FBLN1: variants seen among roughly 807,000 people sequenced by gnomAD.
The protein encoded by FBLN1 is fibulin-1.
A neutral mutation model predicts 89.7 loss-of-function variants in FBLN1; 34 were observed. The observed-to-expected ratio is 0.38, with a 90% CI of 0.29 to 0.50. The LOEUF (loss-of-function observed/expected upper bound fraction) is 0.50. FBLN1 is among the 20% of genes least tolerant of loss of function. The probability of loss-of-function intolerance (pLI) is 0.92; values close to 1 mark genes in which losing one functional copy is unlikely to be tolerated. For missense variants in FBLN1, 777 were observed against 988.1 expected (o/e 0.79, Z 2.86); for synonymous variants, 393 against 391.3 (o/e 1.00, Z -0.05).
chr22:45,558,076 C>A (rs953355765), intron 14 of FBLN1: 3 of 716,840 alleles, frequency 4.2e-6, no homozygotes, highest in Admixed American at 4.0e-5. Flanking sequence ...GTCAGATGAT[C>A]GTAGGGAACT....
Position 45,576,938 on chromosome 22 carries a change from A to G in FBLN1, c.1841-39A>G. The stretch of plus-strand genomic sequence containing the variant: ...CGAGGCTGGGACTGGGGCTGGGGCC[A>G]GGCTGTGCTGAGCCCTTCTCCATTC... On this transcript the variant is annotated intron_variant, in intron 15 of 16. Transcript: ENST00000327858. This position sits in a 1 kb window ranked among gnomAD's most constrained non-coding sequence, Gnocchi z 5.2. The G allele has an allele frequency of 6.2e-7, 1 of 1,611,918 alleles. No individual in the cohort carries two copies. The highest frequency in any genetic ancestry group is 8.5e-7 in the Non-Finnish European group (1 of 1,179,876).
At position 45,562,914 on chromosome 22, in the gene FBLN1, G is replaced by T. The variant is rs748375408; in HGVS notation, c.1698-11597G>T. 1 of 1,613,494 alleles carries T rather than the reference G, an allele frequency of 6.2e-7. No individual in the cohort carries two copies. The highest frequency in any genetic ancestry group is 1.3e-5 in the African/African-American group (1 of 74,908). ...CTCTCTGCCCACTTTTCTTGCAGCC[G>T]CTGTGAGCGCTTGCCTTGCCATGAG... On this transcript the variant is annotated intron_variant, in intron 14 of 16. Coordinates refer to ENST00000327858, the MANE Select transcript of FBLN1 (RefSeq NM_006486.3). This position sits in a 1 kb window ranked among gnomAD's most constrained non-coding sequence, Gnocchi z 7.8.
At chr22:45,554,318 C>T (rs1325055372) in intron 14 of FBLN1, among the ~76,000 whole-genome samples, 1 of 152,206 alleles carries the variant, frequency 6.6e-6, no homozygotes, top group African/African-American at 2.4e-5. Context: ...CAGAGGCCCC[C>T]CTGGGGGAGA....
intron 16 of FBLN1, among the ~76,000 whole-genome samples, chr22:45,594,787 T>A (rs2089169977): frequency 6.6e-6 from 1 of 151,024 alleles, no homozygotes; most frequent in African/African-American, 2.4e-5. Flanking sequence ...GTTGGGTTGA[T>A]GGGTGGGTGA....
rs134821 is a variant in FBLN1, at chr22:45,574,149, C to T, written c.1698-362C>T. Among the ~76,000 whole-genome samples, 118,379 of 152,206 alleles carry T rather than the reference C, an allele frequency of 0.78. 46,171 individuals are homozygous for T. Among genetic ancestry groups the T allele is most frequent in the Middle Eastern group, 0.89 (263 of 294 alleles). ...TGTTCACTTTGCTGTCCCTAGCAGCCGGCGCCTGGCACTCAAAACATATTT... is the reference window on the plus strand; with the variant it reads ...TGTTCACTTTGCTGTCCCTAGCAGCTGGCGCCTGGCACTCAAAACATATTT... On this transcript the variant is annotated intron_variant, in intron 14 of 16. Coordinates refer to ENST00000327858, the MANE Select transcript of FBLN1 (RefSeq NM_006486.3). The surrounding 1 kb of genome is among the most constrained non-coding windows in gnomAD (Gnocchi z 4.1).
At chr22:45,508,537 A>G (rs2088055655) in intron 1 of FBLN1, among the ~76,000 whole-genome samples, 1 of 152,140 alleles carries the variant, frequency 6.6e-6, no homozygotes, top group African/African-American at 2.4e-5. Context: ...CTGGAATTAC[A>G]GGCGTGAGCC....
chr22:45,533,693 C>T, intron 6 of FBLN1, 68 bp from the exon 7 acceptor site: 1 of 1,583,524 alleles, frequency 6.3e-7, no homozygotes, highest in South Asian at 1.1e-5. Context: ...TTGGCACATT[C>T]CTTTCTAGGA....
At position 45,533,918 on chromosome 22, in the gene FBLN1, T is replaced by C; in HGVS notation, c.784+20T>C. The C allele has an allele frequency of 6.2e-7, 1 of 1,613,378 alleles. No individual in the cohort carries two copies. The highest frequency in any genetic ancestry group is 2.2e-5 in the East Asian group (1 of 44,860). ...GCAAAGGTACAGCATGCGCTCCGAG[T>C]CTGCAAACCTGGTCTTCCAGGCGTA... On this transcript the variant is annotated intron_variant, in intron 7 of 16. Coordinates refer to ENST00000327858, the MANE Select transcript of FBLN1 (RefSeq NM_006486.3).
chr22:45,519,985 C>T (rs564601144), intron 2 of FBLN1, among the ~76,000 whole-genome samples: 6 of 152,256 alleles, frequency 3.9e-5, no homozygotes, highest in African/African-American at 7.2e-5. Flanking sequence ...GCCTGACCAA[C>T]GTGGTGAAAC....
At chr22:45,554,393 G>A (rs1376384889) in intron 14 of FBLN1, among the ~76,000 whole-genome samples, 2 of 152,308 alleles carry the variant, frequency 1.3e-5, no homozygotes, top group South Asian at 2.1e-4. Flanking sequence ...GCAGGCCACC[G>A]CCAGCAGCAC....
At chr22:45,506,816 G>A (rs928928223) in intron 1 of FBLN1, among the ~76,000 whole-genome samples, 9 of 152,178 alleles carry the variant, frequency 5.9e-5, no homozygotes, top group East Asian at 3.9e-4. Context: ...CTTTAAGCCC[G>A]GGCTCTGAGC....
chr22:45,557,950 TG>T lies in FBLN1; in HGVS notation c.1697+7336del. On this transcript the variant is annotated intron_variant, in intron 14 of 16. Coordinates refer to ENST00000327858, the MANE Select transcript of FBLN1 (RefSeq NM_006486.3). The surrounding 1 kb of genome is among the most constrained non-coding windows in gnomAD (Gnocchi z 4.9). ...CACTGGGAAGATTTCCCTTTGCCAC[TG>T]TCCTTCAGGGATGTCCTAGAAAGGG... 1 of 664,056 alleles carries T rather than the reference TG, an allele frequency of 1.5e-6. No individual in the cohort carries two copies. The highest frequency in any genetic ancestry group is 2.8e-6 in the Non-Finnish European group (1 of 353,056). The allele number at this position is 664,056 out of a possible 1,614,324, so 41.1% of individuals were successfully genotyped here.
chr22:45,505,863 C>T (rs2088012147), intron 1 of FBLN1, among the ~76,000 whole-genome samples: 1 of 152,162 alleles, frequency 6.6e-6, no homozygotes, highest in African/African-American at 2.4e-5. Flanking sequence ...CCTCCGCCTC[C>T]CGAGTTGAAG....
intron 14 of FBLN1, among the ~76,000 whole-genome samples, chr22:45,573,860 C>G (rs183133947): frequency 6.6e-6 from 1 of 152,008 alleles, no homozygotes; most frequent in African/African-American, 2.4e-5. Flanking sequence ...TGTAATAACT[C>G]GTTAAACTAT....
At position 45,547,160 on chromosome 22, in the gene FBLN1, G is replaced by T. The variant is rs770569480; in HGVS notation, c.1397G>T (p.Arg466Leu). 1.2e-6 allele frequency: 2 copies of T among 1,614,038 alleles called. No individual in the cohort carries two copies. Among genetic ancestry groups the T allele is most frequent in the Non-Finnish European group, 1.7e-6 (2 of 1,180,000 alleles). The change falls in exon 12 of 17, where the codon CGG (arginine) becomes CTG (leucine). Residue 466 changes from arginine (R) to leucine (L), a missense_variant. Coordinates refer to ENST00000327858, the MANE Select transcript of FBLN1 (RefSeq NM_006486.3). ...TACGGCTCCTACCAGTGTTACTGCCGGCGAGGCTACCAGCTCAGCGATGTG... is the reference window on the plus strand; with the variant it reads ...TACGGCTCCTACCAGTGTTACTGCCTGCGAGGCTACCAGCTCAGCGATGTG... ...NVYGSYQCYC[R>L]RGYQLSDVDG...
At chr22:45,554,202 C>T (rs2088746438) in intron 14 of FBLN1, among the ~76,000 whole-genome samples, 1 of 152,342 alleles carries the variant, frequency 6.6e-6, no homozygotes, top group East Asian at 1.9e-4. Context: ...CTGCTGCTTG[C>T]AGCCTGCTCC....
rs201863563 is a variant in FBLN1 at position 45,574,702 on chromosome 22, G to A, written c.1840+49G>A. ...CCCAGGGCCCCCTAGGGCCTCCCTC[G>A]GCTTCAGCTGAGGGCTTGGCCTACA... is the stretch of plus-strand genomic sequence containing the variant. On this transcript the variant is annotated intron_variant, in intron 15 of 16. Coordinates refer to ENST00000327858, the MANE Select transcript of FBLN1 (RefSeq NM_006486.3). This position sits in a 1 kb window ranked among gnomAD's most constrained non-coding sequence, Gnocchi z 4.1. 4.0e-4 allele frequency: 617 copies of A among 1,562,010 alleles called. 1 individual carries two copies. In the African/African-American group the frequency reaches 6.5e-3, roughly 16 times the overall value.
rs564665029 is a variant in FBLN1, at chr22:45,512,386, G to A, written c.80-6296G>A. Among the ~76,000 whole-genome samples the A allele has an allele frequency of 1.3e-4, 20 of 152,168 alleles. 1 individual carries two copies. The South Asian group carries it at 3.1e-3, about 24-fold the overall frequency. The stretch of plus-strand genomic sequence containing the variant: ...GGTACCTATGAGGCGTGGAGTTGGC[G>A]TGGGGGATCTGTTAGCCCCAGTCCC... On this transcript the variant is annotated intron_variant, in intron 1 of 16. Transcript: ENST00000327858.
At position 45,563,501 on chromosome 22, in the gene FBLN1, G is replaced by A. The variant is rs1044836065; in HGVS notation, c.1698-11010G>A. On this transcript the variant is annotated intron_variant, in intron 14 of 16. Transcript: ENST00000327858. This position sits in a 1 kb window ranked among gnomAD's most constrained non-coding sequence, Gnocchi z 5.7. ...GCTCCCCACTAGAGGGTGTGTGCTCGGGGGTCCCTGTTCACAGAGCCCACT... is the reference window on the plus strand; with the variant it reads ...GCTCCCCACTAGAGGGTGTGTGCTCAGGGGTCCCTGTTCACAGAGCCCACT... 1.2e-5 allele frequency: 10 copies of A among 816,864 alleles called. No homozygotes were observed. Among genetic ancestry groups the A allele is most frequent in the East Asian group, 8.3e-5 (3 of 35,982 alleles). 50.6% of individuals were successfully genotyped at this position (816,864 alleles called of 1,614,324 possible). A position where few individuals can be genotyped will look rare whatever the true frequency, so the allele number is the denominator to read the frequency against.
Sources: allele counts gnomAD v4.1 joint callset (sites outside exome capture counted in the v4.1 genomes callset), GRCh38; gene constraint gnomAD v4.1.1; non-coding constraint Gnocchi (gnomAD v3.1); transcripts MANE v1.5; gene names NCBI Gene and HGNC (gene_info 2026-07-23, HGNC 2026-07-21).